CEP170: variants seen among roughly 807,000 people sequenced by gnomAD.
CEP170 encodes the protein centrosomal protein of 170 kDa.
Under a neutral mutation model 151.9 loss-of-function variants are expected in CEP170, and 21 were observed. The ratio of observed to expected loss-of-function variants is 0.14; its 90% confidence interval spans 0.10 to 0.20. CEP170 has a LOEUF of 0.20. Ranked by LOEUF, CEP170 falls within the 10% of genes least tolerant of loss-of-function variation. The probability of loss-of-function intolerance (pLI) is 1.00; values close to 1 mark genes in which losing one functional copy is unlikely to be tolerated. For missense variants in CEP170, 964 were observed against 1,892.9 expected (o/e 0.51, Z 9.11); for synonymous variants, 356 against 648.8 (o/e 0.55, Z 6.86).
intron 15 of CEP170, 78 bp from the exon 16 acceptor site, chr1:243,140,185 A>G: frequency 1.3e-6 from 2 of 1,540,274 alleles, no homozygotes; most frequent in East Asian, 4.5e-5. Flanking sequence ...AATTTTTATG[A>G]TTAGACAGAA....
chr1:243,245,933 G>A (rs1235431674), intron 1 of CEP170, among the ~76,000 whole-genome samples: 4 of 151,444 alleles, frequency 2.6e-5, no homozygotes, highest in East Asian at 1.9e-4. Context: ...GTAACAGAGC[G>A]GGACCTCGTC....
Position 243,233,751 on chromosome 1 carries a change from T to A in CEP170, c.-41-8430A>T, listed in dbSNP as rs868378799. On this transcript the variant is annotated intron_variant, in intron 1 of 19. Coordinates refer to ENST00000366542, the MANE Select transcript of CEP170 (RefSeq NM_014812.3). The stretch of plus-strand genomic sequence containing the variant: ...CCATCTCAAAAAAAAAATATATATA[T>A]ATATATATATATATATTTTAAAACG... Among the ~76,000 whole-genome samples, 837 of 112,586 alleles carry A rather than the reference T, an allele frequency of 7.4e-3. 11 individuals are homozygous for A. The highest frequency in any genetic ancestry group is 0.024 in the African/African-American group (752 of 30,778). 73.9% of individuals were successfully genotyped at this position (112,586 alleles called of 152,430 possible).
intron 4 of CEP170, among the ~76,000 whole-genome samples, chr1:243,202,029 C>A (rs922514338): frequency 1.1e-4 from 17 of 152,160 alleles, no homozygotes; most frequent in Non-Finnish European, 1.6e-4. Context: ...GTCTAAATTG[C>A]AAACATATGG....
At chr1:243,253,946 T>C (rs1195029043) in intron 1 of CEP170, among the ~76,000 whole-genome samples, 1 of 152,228 alleles carries the variant, frequency 6.6e-6, no homozygotes, top group Non-Finnish European at 1.5e-5. Context: ...CTGGGCCAGT[T>C]GTTTTGTTTG....
intron 3 of CEP170, among the ~76,000 whole-genome samples, chr1:243,212,940 T>C (rs1346139431): frequency 2.0e-5 from 3 of 152,132 alleles, no homozygotes; most frequent in African/African-American, 7.2e-5. Context: ...CCTGGGATTA[T>C]AGGTGTGAGC....
intron 3 of CEP170, among the ~76,000 whole-genome samples, chr1:243,214,280 G>GTTTTT (rs758433258): frequency 1.7e-4 from 17 of 100,532 alleles, no homozygotes; most frequent in African/African-American, 4.0e-4. Context: ...AAGCTGTAAA[G>GTTTTT]TTTTTTTTTT....
intron 3 of CEP170, among the ~76,000 whole-genome samples, chr1:243,220,846 T>C (rs920431580): frequency 1.8e-4 from 28 of 152,248 alleles, no homozygotes; most frequent in African/African-American, 6.3e-4. Flanking sequence ...AATGAAGAAA[T>C]AAGAAAAAAT....
chr1:243,151,436 A>G (rs2057064423), intron 14 of CEP170, among the ~76,000 whole-genome samples: 1 of 151,672 alleles, frequency 6.6e-6, no homozygotes, highest in African/African-American at 2.4e-5. Context: ...CACAGGAATG[A>G]TAAGAAAGCA....
intron 4 of CEP170, among the ~76,000 whole-genome samples, chr1:243,205,660 G>A (rs1250073829): frequency 1.3e-5 from 2 of 152,156 alleles, no homozygotes; most frequent in Non-Finnish European, 2.9e-5. Context: ...CTGTTTCCAA[G>A]TAACTTGTAT....
In CEP170 at chr1:243,165,898, G is replaced by C. The variant is rs371532545; in HGVS notation, c.2062C>G (p.Gln688Glu). The change falls in exon 13 of 20, where the codon CAG becomes GAG. Residue 688 changes from glutamine (Q) to glutamate (E), a missense_variant. Gln to Glu is a conservative substitution (Grantham distance 29). Transcript: ENST00000366542. The stretch of plus-strand genomic sequence containing the variant: ...CTGTCAGCATCTTGTTTATCTTTCT[G>C]GTATACCTGTGTAGGTGTTTCTTTC... ...QEKETPTQVY[Q>E]KDKQDADRPL... The C allele has an allele frequency of 1.1e-4, 183 of 1,613,662 alleles. No homozygotes were observed. Among genetic ancestry groups the C allele is most frequent in the Non-Finnish European group, 1.5e-4 (179 of 1,179,764 alleles).
chr1:243,236,165 T>G (rs1398135827), intron 1 of CEP170, among the ~76,000 whole-genome samples: 1 of 152,202 alleles, frequency 6.6e-6, no homozygotes, highest in Non-Finnish European at 1.5e-5. Flanking sequence ...ATTTTTCCCT[T>G]AAGAAAACTA....
intron 3 of CEP170, among the ~76,000 whole-genome samples, chr1:243,220,426 A>C (rs899109703): frequency 6.6e-6 from 1 of 152,210 alleles, no homozygotes; most frequent in African/African-American, 2.4e-5. Flanking sequence ...AAATGCTTGA[A>C]TAAAACCAAC....
rs1255187680 is a variant in CEP170 at position 243,126,201 on chromosome 1, T to C, written c.*248A>G. On this transcript the variant is annotated 3_prime_UTR_variant, in exon 20 of 20. Transcript: ENST00000366542. ...ATCATTAAATTCAATTTGAAAATCA[T>C]AAAACCACAAAAGGCGACACTGCCA... 5.1e-6 allele frequency: 3 copies of C among 587,602 alleles called. No individual in the cohort carries two copies. Among genetic ancestry groups the C allele is most frequent in the Non-Finnish European group, 6.4e-6 (2 of 312,328 alleles). The allele number at this position is 587,602 out of a possible 1,614,324, so 36.4% of individuals were successfully genotyped here. A position where few individuals can be genotyped will look rare whatever the true frequency, so the allele number is the denominator to read the frequency against.
chr1:243,178,308 C>CAAAAAAAAAAAAAAAAAAAAAAA (rs869094317), intron 10 of CEP170, among the ~76,000 whole-genome samples: 1 of 30,422 alleles, frequency 3.3e-5, no homozygotes, highest in African/African-American at 1.6e-4. Context: ...GACTCTGCCT[C>CAAAAAAAAAAAAAAAAAAAAAAA]AAAAAAAAAA....
intron 14 of CEP170, among the ~76,000 whole-genome samples, chr1:243,147,537 C>T (rs1171946163): frequency 6.6e-6 from 1 of 152,112 alleles, no homozygotes; most frequent in Non-Finnish European, 1.5e-5. Flanking sequence ...AGTTCTGTAT[C>T]TTAAACCATG....
At chr1:243,169,428 T>G in intron 12 of CEP170, 200 bp downstream of exon 12, 1 of 960,590 alleles carries the variant, frequency 1.0e-6, no homozygotes, top group Non-Finnish European at 1.5e-6. Flanking sequence ...ACTTATAAAA[T>G]GAATTCATTT....
intron 1 of CEP170, among the ~76,000 whole-genome samples, chr1:243,226,056 TAG>T (rs1224153899): frequency 1.7e-4 from 2 of 12,116 alleles, no homozygotes; most frequent in South Asian, 0.038. Flanking sequence ...TATATATATC[TAG>T]ATATATATAT....
intron 19 of CEP170, among the ~76,000 whole-genome samples, chr1:243,127,971 T>C (rs1481531236): frequency 6.6e-6 from 1 of 152,230 alleles, no homozygotes; most frequent in Non-Finnish European, 1.5e-5. Context: ...TATTTATATG[T>C]AATACATAAA....
rs568973401 is a variant in CEP170 at position 243,197,840 on chromosome 1, A to G, written c.631+1220T>C. On this transcript the variant is annotated intron_variant, in intron 7 of 19. Transcript: ENST00000366542. The stretch of plus-strand genomic sequence containing the variant: ...TACATCTGAAAGCGTGCTAAGTAAT[A>G]CTGTTTCTGTGCATGGGCATGAAGA... Among the ~76,000 whole-genome samples the G allele has an allele frequency of 6.6e-5, 10 of 152,132 alleles. No homozygotes were observed. The South Asian group carries it at 2.1e-3, about 32-fold the overall frequency.
Sources: allele counts gnomAD v4.1 joint callset (sites outside exome capture counted in the v4.1 genomes callset), GRCh38; gene constraint gnomAD v4.1.1; transcripts MANE v1.5; gene names NCBI Gene and HGNC (gene_info 2026-07-23, HGNC 2026-07-21).